AFG3L2: variants seen among roughly 807,000 people sequenced by gnomAD.
AFG3L2 encodes the protein AFG3 like matrix AAA peptidase subunit 2.
Under a neutral mutation model 94.5 loss-of-function variants are expected in AFG3L2, and 54 were observed. The ratio of observed to expected loss-of-function variants is 0.57; its 90% CI spans 0.46 to 0.72. AFG3L2 has a LOEUF of 0.72. Among genes scored for constraint, AFG3L2 ranks in the 30% least tolerant of loss-of-function variants. AFG3L2 has a pLI of 0.00. For synonymous variants in AFG3L2, 377 were observed against 365.5 expected (o/e 1.03, Z -0.36); for missense variants, 754 against 994.9 (o/e 0.76, Z 3.26).
At chr18:12,362,012 T>C (rs912326231) in intron 6 of AFG3L2, among the ~76,000 whole-genome samples, 1 of 152,246 alleles carries the variant, frequency 6.6e-6, no homozygotes, top group African/African-American at 2.4e-5. Context: ...CCCAGCAGCA[T>C]GTTAGAAATG....
intron 16 of AFG3L2, 167 bp downstream of exon 16, chr18:12,337,174 C>T (rs1276637158): frequency 1.5e-6 from 1 of 686,656 alleles, no homozygotes; most frequent in Non-Finnish European, 2.6e-6. Context: ...ACATTGCAAC[C>T]CCCGCTTGAA....
At position 12,344,133 on chromosome 18, in the gene AFG3L2, T is replaced by C; in HGVS notation, c.1778A>G (p.Lys593Arg). 2 of 1,613,002 alleles carry C rather than the reference T, an allele frequency of 1.2e-6. No homozygotes were observed. The highest frequency in any genetic ancestry group is 1.1e-5 in the South Asian group (1 of 91,020). Residue 593 changes from lysine (K) to arginine (R), a missense_variant and splice_region_variant, in exon 14 of 17, where the codon AAG (lysine) becomes AGG (arginine). Transcript: ENST00000269143. The part of the protein sequence containing the change: ...WYLEHADPLL[K>R]VSIIPRGKGL... ...CCTAGTGCAGCTACCCTGCTTCACC[T>C]TTAAAAGCGGGTCTGCGTGCTCCAG...
chr18:12,356,669 A>G, intron 9 of AFG3L2, 25 bp downstream of exon 9: 1 of 1,614,058 alleles, frequency 6.2e-7, no homozygotes, highest in East Asian at 2.2e-5. Flanking sequence ...AGGAAGCTGT[A>G]CCATCCGAAC....
At chr18:12,343,729 A>G (rs1908030014) in intron 14 of AFG3L2, 1 of 224,258 alleles carries the variant, frequency 4.5e-6, no homozygotes, top group Non-Finnish European at 9.0e-6. Context: ...TTTCCTGTTA[A>G]ATTTCCAGTA....
In AFG3L2 at chr18:12,376,971, T is replaced by A; in HGVS notation, c.112A>T (p.Thr38Ser). ...CCGGGCGCCCAGGTAGGACTCACCG[T>A]CCGGAGGCAGGGCTGCTCGCCCGGG... ...VGPGEQPCLR[T>S]LYRFVTTQAR... is the part of the protein sequence containing the mutation. Residue 38 changes from threonine (T) to serine (S), a missense_variant and splice_region_variant, in exon 1 of 17, where the codon ACG becomes TCG. This residue lies in a region of AFG3L2 where 236 missense variants were observed against 214.0 expected (regional missense o/e 1.10). Transcript: ENST00000269143. 1 of 1,457,202 alleles carries A rather than the reference T, an allele frequency of 6.9e-7. No individual in the cohort carries two copies. Among genetic ancestry groups the A allele is most frequent in the African/African-American group, 1.5e-5 (1 of 67,948 alleles). 90.3% of individuals were successfully genotyped at this position (1,457,202 alleles called of 1,614,324 possible).
intron 14 of AFG3L2, chr18:12,343,117 G>C (rs1356744618): frequency 6.6e-6 from 1 of 152,024 alleles, no homozygotes; most frequent in African/African-American, 2.4e-5. Context: ...TTTTTATTTA[G>C]GGCTTGTTAT....
In AFG3L2 at chr18:12,359,097, G is replaced by T. The variant is rs1204373305; in HGVS notation, c.753-154C>A. 4.6e-5 allele frequency among the ~76,000 whole-genome samples: 7 copies of T among 152,318 alleles called. No homozygotes were observed. In the South Asian group the frequency reaches 1.2e-3, roughly 27 times the overall value. On this transcript the variant is annotated intron_variant, in intron 7 of 16. Transcript: ENST00000269143. The stretch of plus-strand genomic sequence containing the variant: ...GGGTAACTTGCAAGTGTTCTTCAAA[G>T]GCAACAGAATTCCCAAATAAGCTCC...
rs1177412393 is a variant in AFG3L2 at position 12,329,161 on chromosome 18, G to A, written c.*404C>T. The A allele has an allele frequency of 1.4e-6, 1 of 702,942 alleles. No individual in the cohort carries two copies. The highest frequency in any genetic ancestry group is 2.6e-6 in the Non-Finnish European group (1 of 385,008). The allele number at this position is 702,942 out of a possible 1,614,324, so 43.5% of individuals were successfully genotyped here. On this transcript the variant is annotated 3_prime_UTR_variant, in exon 17 of 17. Transcript: ENST00000269143. ...AATTTCACAGCCCATCTGCACAGGG[G>A]AACTGAGGAGAAACAGGAATGAAGA...
intron 1 of AFG3L2, among the ~76,000 whole-genome samples, chr18:12,375,959 C>A (rs1909142116): frequency 2.0e-5 from 3 of 151,944 alleles, no homozygotes; most frequent in Admixed American, 2.0e-4. Context: ...CCGGCCTGGG[C>A]GAAGAAGCAA....
chr18:12,343,298 C>G (rs975705620), intron 14 of AFG3L2: 2 of 152,178 alleles, frequency 1.3e-5, no homozygotes, highest in Non-Finnish European at 2.9e-5. Flanking sequence ...TTGAATTCTT[C>G]AACCTTGCTA....
intron 13 of AFG3L2, 156 bp from the exon 14 acceptor site, chr18:12,344,403 A>T (rs181663125): frequency 3.0e-6 from 2 of 673,350 alleles, no homozygotes; most frequent in Non-Finnish European, 5.4e-6. Context: ...GGCCAGGCGC[A>T]GTGGCTCATG....
intron 13 of AFG3L2, 87 bp downstream of exon 13, chr18:12,348,186 C>T (rs1908206270): frequency 9.5e-6 from 11 of 1,160,778 alleles, no homozygotes; most frequent in Non-Finnish European, 1.4e-5. Flanking sequence ...ACTTTCTTTG[C>T]TTCTAGTTCT....
rs535095463 is a variant in AFG3L2, at chr18:12,359,911, T to C, written c.752+16A>G. 3.7e-6 allele frequency: 6 copies of C among 1,612,476 alleles called. No individual in the cohort carries two copies. Among genetic ancestry groups the C allele is most frequent in the East Asian group, 2.2e-5 (1 of 44,884 alleles). On this transcript the variant is annotated intron_variant, in intron 7 of 16. Coordinates refer to ENST00000269143, the MANE Select transcript of AFG3L2 (RefSeq NM_006796.3). ...AGCACAGTCAACAGTCTACAAAATATTATATTTGAGATTACCCATCACTTT... is the reference window on the plus strand; with the variant it reads ...AGCACAGTCAACAGTCTACAAAATACTATATTTGAGATTACCCATCACTTT...
intron 1 of AFG3L2, among the ~76,000 whole-genome samples, chr18:12,372,780 C>G (rs893829862): frequency 3.3e-5 from 5 of 152,206 alleles, no homozygotes; most frequent in African/African-American, 1.2e-4. Flanking sequence ...AAGGCAGACA[C>G]AAAAGGTCAC....
intron 1 of AFG3L2, among the ~76,000 whole-genome samples, chr18:12,375,424 AAAAC>A (rs1442556447): frequency 6.6e-6 from 1 of 151,072 alleles, no homozygotes; most frequent in Non-Finnish European, 1.5e-5. Context: ...AAAAAAAAAA[AAAAC>A]AATTTGTAGA....
At chr18:12,341,256 ATTCCT>A (rs1290019443) in intron 14 of AFG3L2, 3 of 152,192 alleles carry the variant, frequency 2.0e-5, no homozygotes, top group Non-Finnish European at 4.4e-5. Flanking sequence ...AATTAAGTAA[ATTCCT>A]TTAATTTTTA....
At chr18:12,356,660 G>A (rs1319985241) in intron 9 of AFG3L2, 34 bp downstream of exon 9, 9 of 1,613,806 alleles carry the variant, frequency 5.6e-6, no homozygotes, top group South Asian at 1.1e-5. Context: ...GTGGGTGCAA[G>A]GAAGCTGTAC....
Position 12,330,465 on chromosome 18 carries a change from A to G in AFG3L2, c.2176-682T>C, listed in dbSNP as rs566869237. Among the ~76,000 whole-genome samples the G allele has an allele frequency of 3.9e-5, 6 of 152,230 alleles. No homozygotes were observed. In the South Asian group the frequency reaches 1.0e-3, roughly 26 times the overall value. On this transcript the variant is annotated intron_variant, in intron 16 of 16. Coordinates refer to ENST00000269143, the MANE Select transcript of AFG3L2 (RefSeq NM_006796.3). ...TGCTTTTCTGAGGTGATAAGAATGT[A>G]TCTTTTTATGTGCATTAAAGCAGAA... is the stretch of plus-strand genomic sequence containing the variant.
intron 3 of AFG3L2, among the ~76,000 whole-genome samples, chr18:12,369,466 C>G (rs560121399): frequency 5.3e-5 from 8 of 152,174 alleles, no homozygotes; most frequent in Non-Finnish European, 1.0e-4. Flanking sequence ...GTGCAGTGGT[C>G]ACGCCTGTAA....
Sources: gnomAD v4.1 joint callset for allele counts (sites outside exome capture counted in the v4.1 genomes callset) on GRCh38, gnomAD v4.1.1 for gene constraint, gnomAD v4.1.1 regional missense constraint, MANE v1.5 for transcripts, NCBI Gene and HGNC (gene_info 2026-07-23, HGNC 2026-07-21) for gene names.